Variants in UBE2E2 observed in about 807,000 individuals in gnomAD.
UBE2E2 encodes the protein ubiquitin conjugating enzyme E2 E2, also known as ubiquitin-conjugating enzyme E2 E2.
Under a neutral mutation model 24.7 loss-of-function variants are expected in UBE2E2, and 6 were observed. The ratio of observed to expected loss-of-function variants is 0.24; its 90% CI spans 0.13 to 0.48. The LOEUF (loss-of-function observed/expected upper bound fraction) is 0.48, where lower values mean the gene tolerates loss of function less well. Ranked by LOEUF, UBE2E2 falls within the 20% of genes least tolerant of loss-of-function variation. The pLI is 0.99. For synonymous variants in UBE2E2, 104 were observed against 83.6 expected (o/e 1.24, Z -1.33); for missense variants, 169 against 245.0 (o/e 0.69, Z 2.07).
At chr3:23,408,432 A>G (rs1697418695) in intron 3 of UBE2E2, among the ~76,000 whole-genome samples, 1 of 152,194 alleles carries the variant, frequency 6.6e-6, no homozygotes, top group Non-Finnish European at 1.5e-5. Flanking sequence ...AAATTAAAAT[A>G]CATCCTGCAA....
chr3:23,455,372 A>G (rs1575641339), intron 3 of UBE2E2, among the ~76,000 whole-genome samples: 1 of 152,218 alleles, frequency 6.6e-6, no homozygotes, highest in African/African-American at 2.4e-5. Flanking sequence ...TAGCCAATTA[A>G]GTGTGCAGTG....
chr3:23,423,969 C>G (rs1483254094), intron 3 of UBE2E2, among the ~76,000 whole-genome samples: 8 of 152,136 alleles, frequency 5.3e-5, no homozygotes. Context: ...AGTTTAGTTA[C>G]TGAGTCTGGT....
At chr3:23,442,622 C>A (rs759020171) in intron 3 of UBE2E2, among the ~76,000 whole-genome samples, 3 of 152,104 alleles carry the variant, frequency 2.0e-5, no homozygotes, top group African/African-American at 7.2e-5. Context: ...TTATAAAAGC[C>A]TGTTTTATGA....
At position 23,396,330 on chromosome 3, in the gene UBE2E2, C is replaced by T. The variant is rs371873341; in HGVS notation, c.228-103278C>T. Among the ~76,000 whole-genome samples, 192 of 97,320 alleles carry T rather than the reference C, an allele frequency of 2.0e-3. 1 individual carries two copies. Among genetic ancestry groups the T allele is most frequent in the African/African-American group, 6.8e-3 (171 of 25,016 alleles). The allele number at this position is 97,320 out of a possible 152,430, so 63.8% of individuals were successfully genotyped here. On this transcript the variant is annotated intron_variant, in intron 3 of 5. Coordinates refer to ENST00000396703, the MANE Select transcript of UBE2E2 (RefSeq NM_152653.4). ...ATATATATATATATGTATATATATA[C>T]GTATATATATATATAGCATTTTATT...
chr3:23,343,281 T>A (rs1695453017), intron 3 of UBE2E2, among the ~76,000 whole-genome samples: 1 of 151,798 alleles, frequency 6.6e-6, no homozygotes, highest in South Asian at 2.1e-4. Flanking sequence ...TATATTCAAT[T>A]TAAAAACTTT....
chr3:23,444,842 T>A (rs1698391071), intron 3 of UBE2E2, among the ~76,000 whole-genome samples: 1 of 152,148 alleles, frequency 6.6e-6, no homozygotes, highest in Admixed American at 6.5e-5. Context: ...CCTAAGACAG[T>A]GTTTGGTGGG....
At chr3:23,305,426 T>A (rs187973963) in intron 3 of UBE2E2, among the ~76,000 whole-genome samples, 1 of 152,336 alleles carries the variant, frequency 6.6e-6, no homozygotes, top group East Asian at 1.9e-4. Flanking sequence ...AATTTTTATT[T>A]CTCTTTTAAC....
chr3:23,386,400 G>C (rs965491945), intron 3 of UBE2E2, among the ~76,000 whole-genome samples: 1 of 152,144 alleles, frequency 6.6e-6, no homozygotes, highest in African/African-American at 2.4e-5. Flanking sequence ...ATGCAATCAG[G>C]TTGGGGGTTA....
At chr3:23,362,678 C>G (rs995341823) in intron 3 of UBE2E2, among the ~76,000 whole-genome samples, 1 of 152,156 alleles carries the variant, frequency 6.6e-6, no homozygotes, top group Non-Finnish European at 1.5e-5. Flanking sequence ...GAGTTTCTGG[C>G]TCAGTAGTCC....
intron 3 of UBE2E2, among the ~76,000 whole-genome samples, chr3:23,304,459 T>G (rs944733200): frequency 6.6e-6 from 1 of 152,230 alleles, no homozygotes; most frequent in Admixed American, 6.5e-5. Flanking sequence ...CTCATGTTAA[T>G]GTAAATATAT....
At chr3:23,479,209 A>G (rs565523476) in intron 3 of UBE2E2, among the ~76,000 whole-genome samples, 2 of 152,328 alleles carry the variant, frequency 1.3e-5, no homozygotes, top group Admixed American at 6.5e-5. Flanking sequence ...AGGGTGAGCC[A>G]GGCACGGAGC....
chr3:23,580,287 C>T lies in UBE2E2; in HGVS notation c.509-9447C>T, dbSNP rs544587654. ...AGAACTCTTTCCTGAAAGGGAGAGT[C>T]GATCGATGCGGCAAACTGTATTGTT... On this transcript the variant is annotated intron_variant, in intron 5 of 5. Coordinates refer to ENST00000396703, the MANE Select transcript of UBE2E2 (RefSeq NM_152653.4). 3.3e-5 allele frequency among the ~76,000 whole-genome samples: 5 copies of T among 152,288 alleles called. No homozygotes were observed. The South Asian group carries it at 8.3e-4, about 25-fold the overall frequency.
chr3:23,589,965 A>G lies in UBE2E2; in HGVS notation c.*134A>G. The G allele has an allele frequency of 5.3e-6, 4 of 749,128 alleles. No individual in the cohort carries two copies. The Admixed American group carries it at 7.7e-5, about 14-fold the overall frequency. The allele number at this position is 749,128 out of a possible 1,614,324, so 46.4% of individuals were successfully genotyped here. A position where few individuals can be genotyped will look rare whatever the true frequency, so the allele number is the denominator to read the frequency against. ...AAATTTGGAACCATTTTGTGATGGT[A>G]TGTTGTCCATCTTCCCATCCCAGTT... On this transcript the variant is annotated 3_prime_UTR_variant, in exon 6 of 6. Transcript: ENST00000396703. This position sits in a 1 kb window ranked among gnomAD's most constrained non-coding sequence, Gnocchi z 4.1.
intron 3 of UBE2E2, among the ~76,000 whole-genome samples, chr3:23,488,606 A>G (rs7640458): frequency 0.27 from 41,750 of 152,100 alleles, 5,994 homozygotes; most frequent in East Asian, 0.37. Flanking sequence ...GGGAAGCTTT[A>G]CATTTCACCG....
In UBE2E2 at chr3:23,203,459, C is replaced by A. The variant is rs975983681; in HGVS notation, c.-14C>A. 42 of 926,070 alleles carry A rather than the reference C, an allele frequency of 4.5e-5. No individual in the cohort carries two copies. The highest frequency in any genetic ancestry group is 5.3e-5 in the South Asian group (1 of 18,896). The allele number at this position is 926,070 out of a possible 1,614,324, so 57.4% of individuals were successfully genotyped here. The stretch of plus-strand genomic sequence containing the variant: ...CCTGCGACCTGCACGGACACCCCCC[C>A]CTCAGGTATTCGCTCGGGCCGCGCC... On this transcript the variant is annotated 5_prime_UTR_variant, in exon 1 of 6. Transcript: ENST00000396703.
chr3:23,270,970 C>G (rs558568409), intron 3 of UBE2E2: 2 of 456,746 alleles, frequency 4.4e-6, no homozygotes, highest in South Asian at 1.5e-5. Context: ...ATTCGATCTG[C>G]TTGCATCTCT....
At chr3:23,230,462 G>A (rs2036042) in intron 3 of UBE2E2, among the ~76,000 whole-genome samples, 2,988 of 152,268 alleles carry the variant, frequency 0.02, 35 homozygotes, top group Non-Finnish European at 0.031. Flanking sequence ...GGAAAATTGG[G>A]AGTTCTTATC....
At chr3:23,270,869 AAG>A in intron 3 of UBE2E2, 1 of 455,172 alleles carries the variant, frequency 2.2e-6, no homozygotes, top group South Asian at 1.6e-5. Context: ...GTTTAATTAC[AAG>A]TCTCAGATTA....
intron 5 of UBE2E2, among the ~76,000 whole-genome samples, chr3:23,545,751 TGG>T (rs915819436): frequency 1.2e-4 from 19 of 152,136 alleles, no homozygotes; most frequent in African/African-American, 4.6e-4. Context: ...CGCAAAGATA[TGG>T]AACCAATCTA....
Sources: gnomAD v4.1 joint callset for allele counts (sites outside exome capture counted in the v4.1 genomes callset) on GRCh38, gnomAD v4.1.1 for gene constraint, Gnocchi (gnomAD v3.1) non-coding constraint, MANE v1.5 for transcripts, NCBI Gene and HGNC (gene_info 2026-07-23, HGNC 2026-07-21) for gene names.